Variants in RSBN1 observed in about 807,000 individuals in gnomAD.
The protein encoded by RSBN1 is lysine-specific demethylase 9.
In RSBN1, 23 loss-of-function variants were observed where a neutral mutation model predicts 74.8. The observed-to-expected ratio is 0.31, with a 90% CI of 0.22 to 0.44. The LOEUF (loss-of-function observed/expected upper bound fraction) is 0.44, where lower values mean the gene tolerates loss of function less well. Among genes scored for constraint, RSBN1 ranks in the 20% least tolerant of loss-of-function variants. RSBN1 has a pLI of 1.00. For synonymous variants in RSBN1, 407 were observed against 379.6 expected (o/e 1.07, Z -0.84); for missense variants, 808 against 1,020.9 (o/e 0.79, Z 2.84).
In RSBN1 at chr1:113,797,587, G is replaced by A. The variant is rs2101818891; in HGVS notation, c.1153C>T (p.Pro385Ser). The A allele has an allele frequency of 6.2e-7, 1 of 1,612,650 alleles. No individual in the cohort carries two copies. The highest frequency in any genetic ancestry group is 2.2e-5 in the East Asian group (1 of 44,830). ...TCAGAAAATCTCTCCATCTCCATTG[G>A]AGACAAAAATGAGAGTTCATCCATG... ...AYMDELSFLSPMEMERFSEEF... is the reference protein window; with the variant it reads ...AYMDELSFLSSMEMERFSEEF... Residue 385 changes from proline (P) to serine (S), a missense_variant, in exon 2 of 7, where the codon CCA (proline) becomes TCA (serine). Transcript: ENST00000261441.
intron 1 of RSBN1, among the ~76,000 whole-genome samples, chr1:113,799,565 T>TACACACACAC (rs66958734): frequency 2.6e-4 from 37 of 142,090 alleles, no homozygotes; most frequent in East Asian, 2.2e-3. Context: ...ATAGATGCTT[T>TACACACACAC]ACACACACAC....
At chr1:113,799,227 C>T (rs115521225) in intron 1 of RSBN1, among the ~76,000 whole-genome samples, 2,016 of 152,218 alleles carry the variant, frequency 0.013, 49 homozygotes, top group African/African-American at 0.046. Context: ...TCTTTTTCTC[C>T]CCGCTTTTTG....
intron 4 of RSBN1, among the ~76,000 whole-genome samples, chr1:113,769,327 A>G (rs1201306737): frequency 6.6e-6 from 1 of 152,208 alleles, no homozygotes; most frequent in Non-Finnish European, 1.5e-5. Flanking sequence ...TGCATCAGGC[A>G]ATGACCCTAT....
chr1:113,805,567 A>C (rs1006588368), intron 1 of RSBN1, among the ~76,000 whole-genome samples: 3 of 152,186 alleles, frequency 2.0e-5, no homozygotes, highest in African/African-American at 7.2e-5. Context: ...GCCATGAGGG[A>C]AAAAAATTGA....
At chr1:113,768,105 GC>G (rs1272206524) in intron 5 of RSBN1, 116 bp downstream of exon 5, 1 of 824,978 alleles carries the variant, frequency 1.2e-6, no homozygotes, top group Non-Finnish European at 1.8e-6. Flanking sequence ...GGTTAAGATG[GC>G]AAACTTTATG....
chr1:113,768,820 T>C (rs1212878894), intron 4 of RSBN1, among the ~76,000 whole-genome samples: 1 of 152,116 alleles, frequency 6.6e-6, no homozygotes, highest in East Asian at 1.9e-4. Context: ...TAGACCCACT[T>C]TCTTATAACT....
chr1:113,777,465 A>G, intron 3 of RSBN1, 113 bp from the exon 4 acceptor site: 1 of 1,039,668 alleles, frequency 9.6e-7, no homozygotes, highest in Non-Finnish European at 1.4e-6. Context: ...TATATAAAGA[A>G]ATAAATGCTA....
rs1659694736 is a variant in RSBN1, at chr1:113,762,376, T to G, written c.*3604A>C. 1 of 152,558 alleles carries G rather than the reference T, an allele frequency of 6.6e-6. No homozygotes were observed. The highest frequency in any genetic ancestry group is 2.4e-5 in the African/African-American group (1 of 41,452). The allele number at this position is 152,558 out of a possible 1,614,324, so 9.5% of individuals were successfully genotyped here. A position where few individuals can be genotyped will look rare whatever the true frequency, so the allele number is the denominator to read the frequency against. ...TACTTGCTTTTAAAGCAACAAACTT[T>G]CAAGACAAGGATAGGTCCCTTACGT... On this transcript the variant is annotated 3_prime_UTR_variant, in exon 7 of 7. Transcript: ENST00000261441.
intron 2 of RSBN1, among the ~76,000 whole-genome samples, chr1:113,796,010 T>C (rs1464035306): frequency 6.6e-6 from 1 of 152,188 alleles, no homozygotes; most frequent in Non-Finnish European, 1.5e-5. Flanking sequence ...CTCAGCAATA[T>C]CTTTCCTTGT....
At position 113,797,900 on chromosome 1, in the gene RSBN1, G is replaced by T. The variant is rs376917396; in HGVS notation, c.840C>A (p.Thr280=). Reference sequence around the variant, plus strand: ...TGATGCGGGTCAGGCCAGCACAGACGGTTTGTACTTCCTTATTGTACATTT... The same window carrying T: ...TGATGCGGGTCAGGCCAGCACAGACTGTTTGTACTTCCTTATTGTACATTT... ...RLKMYNKEVQ[T]VCAGLTRISK... Residue 280 remains threonine, a synonymous_variant, in exon 2 of 7, where the codon ACC becomes ACA. Transcript: ENST00000261441. 1.2e-6 allele frequency: 2 copies of T among 1,612,856 alleles called. No individual in the cohort carries two copies. The highest frequency in any genetic ancestry group is 3.3e-5 in the Admixed American group (2 of 59,794).
At chr1:113,781,461 G>C (rs575984764) in intron 2 of RSBN1, among the ~76,000 whole-genome samples, 2 of 152,234 alleles carry the variant, frequency 1.3e-5, no homozygotes, top group Non-Finnish European at 2.9e-5. Flanking sequence ...CGTGGTTGTT[G>C]CAGAGTTGGC....
At chr1:113,811,304 A>C (rs1558006896) in intron 1 of RSBN1, among the ~76,000 whole-genome samples, 2 of 152,202 alleles carry the variant, frequency 1.3e-5, no homozygotes. Context: ...CATACCCCTG[A>C]CTATTCTGGA....
chr1:113,810,676 T>C (rs1660817831), intron 1 of RSBN1, among the ~76,000 whole-genome samples: 1 of 152,160 alleles, frequency 6.6e-6, no homozygotes, highest in Admixed American at 6.5e-5. Flanking sequence ...AATGCAAGAC[T>C]CACAAAACTT....
intron 1 of RSBN1, among the ~76,000 whole-genome samples, chr1:113,808,238 T>C (rs767411622): frequency 1.3e-5 from 2 of 152,204 alleles, no homozygotes; most frequent in African/African-American, 2.4e-5. Context: ...GGCATAATAA[T>C]TGCTTATAAC....
At chr1:113,782,293 T>C (rs1445517485) in intron 2 of RSBN1, among the ~76,000 whole-genome samples, 1 of 152,176 alleles carries the variant, frequency 6.6e-6, no homozygotes, top group Non-Finnish European at 1.5e-5. Context: ...TTTAGGTAAG[T>C]TAGATTTGGA....
chr1:113,782,926 G>A (rs1036220587), intron 2 of RSBN1, among the ~76,000 whole-genome samples: 2 of 152,100 alleles, frequency 1.3e-5, no homozygotes, highest in African/African-American at 4.8e-5. Context: ...CCTGTTGTAT[G>A]TCTTCAAATT....
chr1:113,785,261 CT>C (rs1235969367), intron 2 of RSBN1, among the ~76,000 whole-genome samples: 1 of 152,128 alleles, frequency 6.6e-6, no homozygotes, highest in East Asian at 1.9e-4. Flanking sequence ...GCTGAAAAGT[CT>C]TCAGGGGCAA....
At chr1:113,769,342 G>C (rs916621799) in intron 4 of RSBN1, among the ~76,000 whole-genome samples, 2 of 152,144 alleles carry the variant, frequency 1.3e-5, no homozygotes, top group Non-Finnish European at 2.9e-5. Context: ...CCCTATTATA[G>C]TTAAACTAGA....
chr1:113,812,305 C>T lies in RSBN1; in HGVS notation c.108G>A (p.Gly36=), dbSNP rs1558007964. ...RAALARCADG[G]AVGPFKCVFV... ...ACACACATTTAAATGGCCCGACCGC[C>T]CCCCCGTCCGCGCATCGCGCAAGCG... Residue 36 remains glycine (G), a synonymous_variant, in exon 1 of 7, where the codon GGG becomes GGA. Coordinates refer to ENST00000261441, the MANE Select transcript of RSBN1 (RefSeq NM_018364.5). 1.6e-5 allele frequency: 25 copies of T among 1,604,280 alleles called. No homozygotes were observed. Among genetic ancestry groups the T allele is most frequent in the Non-Finnish European group, 2.0e-5 (24 of 1,179,796 alleles).
Sources: gnomAD v4.1 joint callset for allele counts (sites outside exome capture counted in the v4.1 genomes callset) on GRCh38, gnomAD v4.1.1 for gene constraint, MANE v1.5 for transcripts, NCBI Gene and HGNC (gene_info 2026-07-23, HGNC 2026-07-21) for gene names.